The following RIMBP2 variants were observed in gnomAD, a reference collection of about 807,000 sequenced individuals.
RIMBP2 encodes the protein RIMS-binding protein 2.
In RIMBP2, 48 loss-of-function variants were observed where a neutral mutation model predicts 118.6. The observed-to-expected ratio is 0.40, with a 90% CI of 0.32 to 0.51. The LOEUF (loss-of-function observed/expected upper bound fraction) is 0.51. Among genes scored for constraint, RIMBP2 ranks in the 20% least tolerant of loss-of-function variants. The probability of loss-of-function intolerance (pLI) is 0.41; values close to 1 mark genes in which losing one functional copy is unlikely to be tolerated. For missense variants in RIMBP2, 1,551 were observed against 1,768.3 expected (o/e 0.88, Z 2.20); for synonymous variants, 762 against 742.9 (o/e 1.03, Z -0.42).
At chr12:130,515,158 G>A (rs1199750694) in intron 3 of RIMBP2, among the ~76,000 whole-genome samples, 1 of 152,120 alleles carries the variant, frequency 6.6e-6, no homozygotes. Flanking sequence ...TTACAGGAGA[G>A]AGTCACTGTG....
At chr12:130,507,962 C>G (rs2050524718) in intron 3 of RIMBP2, among the ~76,000 whole-genome samples, 1 of 152,180 alleles carries the variant, frequency 6.6e-6, no homozygotes, top group African/African-American at 2.4e-5. Flanking sequence ...CAAATGGGAA[C>G]AGGGTTACAG....
Position 130,716,245 on chromosome 12 carries a change from G to GCTC in RIMBP2, c.-378_-376dup, listed in dbSNP as rs1316920622. On this transcript the variant is annotated 5_prime_UTR_variant, in exon 1 of 23. Transcript: ENST00000690449. ...ACCTTTAGAAGCGAGCTGTGCCAAG[G>GCTC]CTCCGGAGGTTCACCTCGGAGACAA... The GCTC allele has an allele frequency of 6.6e-6, 1 of 151,662 alleles. No homozygotes were observed. The highest frequency in any genetic ancestry group is 2.4e-5 in the African/African-American group (1 of 41,252). 9.4% of individuals were successfully genotyped at this position (151,662 alleles called of 1,614,324 possible). A position where few individuals can be genotyped will look rare whatever the true frequency, so the allele number is the denominator to read the frequency against.
At chr12:130,483,683 A>G (rs1305710958) in intron 4 of RIMBP2, among the ~76,000 whole-genome samples, 3 of 135,266 alleles carry the variant, frequency 2.2e-5, no homozygotes, top group Admixed American at 2.2e-4. Flanking sequence ...CCACCTAGAC[A>G]CAGTGCCCGG....
At chr12:130,500,714 A>G (rs887652174) in intron 4 of RIMBP2, among the ~76,000 whole-genome samples, 1 of 152,158 alleles carries the variant, frequency 6.6e-6, no homozygotes, top group Admixed American at 6.5e-5. Flanking sequence ...CCGTTAACAC[A>G]GGACGGGCAG....
chr12:130,596,521 C>A (rs1036352579), intron 2 of RIMBP2, among the ~76,000 whole-genome samples: 1 of 152,186 alleles, frequency 6.6e-6, no homozygotes, highest in African/African-American at 2.4e-5. Flanking sequence ...GTTAGTAACA[C>A]CCACTCACAA....
At chr12:130,410,354 T>G (rs527524646) in intron 19 of RIMBP2, among the ~76,000 whole-genome samples, 5 of 152,338 alleles carry the variant, frequency 3.3e-5, no homozygotes, top group African/African-American at 1.2e-4. Flanking sequence ...ACTTTTTAAG[T>G]GCAGAGTATT....
chr12:130,600,365 C>T (rs1363645984), intron 2 of RIMBP2, among the ~76,000 whole-genome samples: 1 of 152,218 alleles, frequency 6.6e-6, no homozygotes, highest in Non-Finnish European at 1.5e-5. Flanking sequence ...CAGAGACCTG[C>T]CAGCCCCAAG....
intron 16 of RIMBP2, among the ~76,000 whole-genome samples, chr12:130,423,691 C>CT (rs34775409): frequency 0.23 from 23,085 of 98,848 alleles, 3,252 homozygotes; most frequent in Non-Finnish European, 0.26. Context: ...TTTCTTCAAT[C>CT]TTTTTTTTTT....
intron 6 of RIMBP2, among the ~76,000 whole-genome samples, chr12:130,464,763 G>A (rs2080309758): frequency 6.6e-6 from 1 of 152,148 alleles, no homozygotes. Flanking sequence ...TCTGTCCAGG[G>A]CCCACCTAAG....
chr12:130,699,925 A>AAG (rs1555326332), intron 1 of RIMBP2, among the ~76,000 whole-genome samples: 4 of 149,588 alleles, frequency 2.7e-5, no homozygotes, highest in Non-Finnish European at 4.4e-5. Flanking sequence ...AAAAAAAAAA[A>AAG]AAAAGAAATA....
chr12:130,615,272 C>CACATATATATATATATATAT (rs1429575646), intron 2 of RIMBP2, among the ~76,000 whole-genome samples: 1 of 38,784 alleles, frequency 2.6e-5, no homozygotes, highest in Non-Finnish European at 4.6e-5. Context: ...ACATAATACA[C>CACATATATATATATATATAT]ATACATATAT....
chr12:130,485,039 G>A (rs959849432), intron 4 of RIMBP2, among the ~76,000 whole-genome samples: 1 of 151,836 alleles, frequency 6.6e-6, no homozygotes, highest in Non-Finnish European at 1.5e-5. Context: ...TTATGTTTTA[G>A]TCCCAAGAGG....
chr12:130,591,307 G>T (rs2059244671), intron 2 of RIMBP2, among the ~76,000 whole-genome samples: 1 of 152,190 alleles, frequency 6.6e-6, no homozygotes, highest in Non-Finnish European at 1.5e-5. Flanking sequence ...AGGCTAGACT[G>T]TCCCTGTCGC....
At chr12:130,501,586 A>C (rs971785817) in intron 4 of RIMBP2, among the ~76,000 whole-genome samples, 2 of 152,232 alleles carry the variant, frequency 1.3e-5, no homozygotes, top group Non-Finnish European at 2.9e-5. Context: ...TGACCCAGCC[A>C]TCCAGAAGTT....
rs904921807 is a variant in RIMBP2 at position 130,623,000 on chromosome 12, G to A, written c.-217+5322C>T. Among the ~76,000 whole-genome samples, 1 of 152,202 alleles carries A rather than the reference G, an allele frequency of 6.6e-6. No individual in the cohort carries two copies. Among genetic ancestry groups the A allele is most frequent in the African/African-American group, 2.4e-5 (1 of 41,440 alleles). ...TGGACTGAGGTCTGGGGATACTGTT[G>A]GGGCCATTTCCTTCTAGTATCAATG... On this transcript the variant is annotated intron_variant, in intron 2 of 22. Coordinates refer to ENST00000690449, the MANE Select transcript of RIMBP2 (RefSeq NM_001393629.1). This position sits in a 1 kb window ranked among gnomAD's most constrained non-coding sequence, Gnocchi z 8.5.
rs1012431893 is a variant in RIMBP2, at chr12:130,617,107, G to A, written c.-217+11215C>T. 6.6e-6 allele frequency among the ~76,000 whole-genome samples: 1 copy of A among 152,052 alleles called. No homozygotes were observed. Among genetic ancestry groups the A allele is most frequent in the African/African-American group, 2.4e-5 (1 of 41,388 alleles). On this transcript the variant is annotated intron_variant, in intron 2 of 22. Coordinates refer to ENST00000690449, the MANE Select transcript of RIMBP2 (RefSeq NM_001393629.1). The surrounding 1 kb of genome is among the most constrained non-coding windows in gnomAD (Gnocchi z 4.6). Reference sequence around the variant, plus strand: ...TTACATCTCATGTTCTGAGCTTCCTGTGGGCCAGGCCTGGTGCTGAGACCC... The same window carrying A: ...TTACATCTCATGTTCTGAGCTTCCTATGGGCCAGGCCTGGTGCTGAGACCC...
intron 6 of RIMBP2, among the ~76,000 whole-genome samples, chr12:130,459,134 C>T (rs1360072247): frequency 3.3e-5 from 5 of 151,274 alleles, no homozygotes; most frequent in Non-Finnish European, 5.9e-5. Flanking sequence ...AACAGATCAG[C>T]GGTTGTCAGG....
intron 1 of RIMBP2, among the ~76,000 whole-genome samples, chr12:130,682,392 C>T (rs919624200): frequency 6.6e-6 from 1 of 152,244 alleles, no homozygotes; most frequent in African/African-American, 2.4e-5. Flanking sequence ...ACCATTGCAC[C>T]TCCCTGCAAG....
intron 1 of RIMBP2, among the ~76,000 whole-genome samples, chr12:130,659,526 G>A (rs973563117): frequency 5.3e-5 from 8 of 150,658 alleles, no homozygotes; most frequent in African/African-American, 2.0e-4. Context: ...CCCAGATCAT[G>A]CCACTGCACT....
Sources: allele counts gnomAD v4.1 joint callset (sites outside exome capture counted in the v4.1 genomes callset), GRCh38; gene constraint gnomAD v4.1.1; non-coding constraint Gnocchi (gnomAD v3.1); transcripts MANE v1.5; gene names NCBI Gene and HGNC (gene_info 2026-07-23, HGNC 2026-07-21).